NAPEPLD: variants seen among roughly 807,000 people sequenced by gnomAD.
NAPEPLD encodes the protein N-acyl-phosphatidylethanolamine-hydrolyzing phospholipase D.
A neutral mutation model predicts 38.1 loss-of-function variants in NAPEPLD; 23 were observed. The observed-to-expected ratio is 0.60, with a 90% CI of 0.43 to 0.86. The LOEUF is 0.86. Ranked by LOEUF, NAPEPLD falls within the 40% of genes least tolerant of loss-of-function variation. NAPEPLD has a pLI of 0.00. For synonymous variants in NAPEPLD, 147 were observed against 162.0 expected (o/e 0.91, Z 0.71); for missense variants, 411 against 476.8 (o/e 0.86, Z 1.28).
At chr7:103,107,597 T>C (rs1444066408) in intron 4 of NAPEPLD, among the ~76,000 whole-genome samples, 2 of 151,930 alleles carry the variant, frequency 1.3e-5, no homozygotes, top group Non-Finnish European at 2.9e-5. Context: ...GAGAACTTCA[T>C]TAAGCATACA....
chr7:103,110,534 AC>A (rs1804307605), intron 4 of NAPEPLD, among the ~76,000 whole-genome samples: 3 of 152,048 alleles, frequency 2.0e-5, no homozygotes, highest in South Asian at 2.1e-4. Flanking sequence ...AAATTCAACA[AC>A]CCTTCAAGTT....
intron 2 of NAPEPLD, chr7:103,127,228 A>T (rs1469873678): frequency 6.6e-6 from 1 of 152,154 alleles, no homozygotes; most frequent in African/African-American, 2.4e-5. Flanking sequence ...GAGAAAACAA[A>T]GGGCCTGTTC....
At chr7:103,142,978 C>T (rs1055905276) in intron 1 of NAPEPLD, among the ~76,000 whole-genome samples, 5 of 152,034 alleles carry the variant, frequency 3.3e-5, no homozygotes, top group East Asian at 3.9e-4. Flanking sequence ...AATCCCAACA[C>T]GTTGGGAGGC....
intron 1 of NAPEPLD, among the ~76,000 whole-genome samples, chr7:103,135,758 T>C (rs1809908729): frequency 6.6e-6 from 1 of 151,978 alleles, no homozygotes. Flanking sequence ...TATATATATA[T>C]ATCACCAAAC....
At position 103,149,058 on chromosome 7, in the gene NAPEPLD, A is replaced by G; in HGVS notation, c.-264T>C. On this transcript the variant is annotated 5_prime_UTR_variant, in exon 1 of 5. Coordinates refer to ENST00000465647, the MANE Select transcript of NAPEPLD (RefSeq NM_001122838.3). ...GGGAAACCCACTCTCAGCCCGCTCC[A>G]CTTCGCCGAAGAATTCCAAACCACC... 1 of 985,388 alleles carries G rather than the reference A, an allele frequency of 1.0e-6. No individual in the cohort carries two copies. The highest frequency in any genetic ancestry group is 1.2e-6 in the Non-Finnish European group (1 of 829,968). 61.0% of individuals were successfully genotyped at this position (985,388 alleles called of 1,614,324 possible).
chr7:103,102,798 T>C lies in NAPEPLD; in HGVS notation c.*631A>G, dbSNP rs945488084. ...TGGTAAATGTTTAAAATGGCAAATA[T>C]GTATTTATATATTTTACCACAATAG... is the stretch of plus-strand genomic sequence containing the variant. On this transcript the variant is annotated 3_prime_UTR_variant, in exon 5 of 5. Transcript: ENST00000465647. The C allele has an allele frequency of 2.6e-5, 4 of 152,630 alleles. No individual in the cohort carries two copies. Among genetic ancestry groups the C allele is most frequent in the Admixed American group, 1.3e-4 (2 of 15,282 alleles). The allele number at this position is 152,630 out of a possible 1,614,324, so 9.5% of individuals were successfully genotyped here.
intron 1 of NAPEPLD, among the ~76,000 whole-genome samples, chr7:103,146,400 T>C (rs1308672123): frequency 6.6e-6 from 1 of 151,770 alleles, no homozygotes; most frequent in Non-Finnish European, 1.5e-5. Context: ...ATGAGAAAGC[T>C]TGGTGTTTCT....
At chr7:103,135,490 A>G (rs980243422) in intron 1 of NAPEPLD, among the ~76,000 whole-genome samples, 1 of 152,188 alleles carries the variant, frequency 6.6e-6, no homozygotes, top group Non-Finnish European at 1.5e-5. Flanking sequence ...TAAGAGGGAG[A>G]ATGTTCTGTG....
chr7:103,105,784 T>C (rs1215653651), intron 4 of NAPEPLD, among the ~76,000 whole-genome samples: 2 of 151,982 alleles, frequency 1.3e-5, no homozygotes, highest in Non-Finnish European at 2.9e-5. Context: ...AATACAAAAA[T>C]TAGCCAGGCA....
intron 1 of NAPEPLD, among the ~76,000 whole-genome samples, chr7:103,130,432 C>T (rs1808697484): frequency 6.6e-6 from 1 of 152,184 alleles, no homozygotes; most frequent in African/African-American, 2.4e-5. Context: ...GGGCAAATAG[C>T]CTACCCTTTC....
In NAPEPLD at chr7:103,119,427, TTGAATC is replaced by T. The variant is rs1415089071; in HGVS notation, c.941+144_941+149del. 6.8e-6 allele frequency: 4 copies of T among 589,022 alleles called. No homozygotes were observed. The African/African-American group carries it at 7.7e-5, about 11-fold the overall frequency. 36.5% of individuals were successfully genotyped at this position (589,022 alleles called of 1,614,324 possible). A position where few individuals can be genotyped will look rare whatever the true frequency, so the allele number is the denominator to read the frequency against. On this transcript the variant is annotated intron_variant, in intron 3 of 4. Coordinates refer to ENST00000465647, the MANE Select transcript of NAPEPLD (RefSeq NM_001122838.3). Reference sequence around the variant, plus strand: ...TAAAATATTTAAAAATAAAATCTAATTGAATCTGACCTACCAACCCCCAATCATGTA... The same window carrying T: ...TAAAATATTTAAAAATAAAATCTAATTGACCTACCAACCCCCAATCATGTA...
chr7:103,136,180 T>A (rs1810014888), intron 1 of NAPEPLD, among the ~76,000 whole-genome samples: 1 of 151,072 alleles, frequency 6.6e-6, no homozygotes, highest in African/African-American at 2.4e-5. Context: ...GGCAGGAGAA[T>A]CACTTAAACC....
At position 103,101,554 on chromosome 7, in the gene NAPEPLD, A is replaced by G. The variant is rs529957505; in HGVS notation, c.*1875T>C. ...ATTTAGCTTTCAAATATACCTGTCT[A>G]TATTAGGCAGTGATATCTTAAGAAA... On this transcript the variant is annotated 3_prime_UTR_variant, in exon 5 of 5. Coordinates refer to ENST00000465647, the MANE Select transcript of NAPEPLD (RefSeq NM_001122838.3). The G allele has an allele frequency of 5.2e-5, 8 of 152,770 alleles. No homozygotes were observed. The highest frequency in any genetic ancestry group is 1.9e-4 in the African/African-American group (8 of 41,576). 9.5% of individuals were successfully genotyped at this position (152,770 alleles called of 1,614,324 possible).
intron 4 of NAPEPLD, among the ~76,000 whole-genome samples, chr7:103,110,290 A>G (rs1321598202): frequency 6.6e-6 from 1 of 152,194 alleles, no homozygotes; most frequent in Non-Finnish European, 1.5e-5. Flanking sequence ...AACAAAAAAG[A>G]GAAAATTTCA....
intron 1 of NAPEPLD, among the ~76,000 whole-genome samples, chr7:103,131,138 TATGAG>T (rs1461498177): frequency 1.3e-5 from 2 of 152,170 alleles, no homozygotes; most frequent in South Asian, 2.1e-4. Context: ...TAAAACAGCT[TATGAG>T]ATATCTGTAT....
At chr7:103,106,854 A>G (rs1803474471) in intron 4 of NAPEPLD, among the ~76,000 whole-genome samples, 1 of 152,198 alleles carries the variant, frequency 6.6e-6, no homozygotes, top group East Asian at 1.9e-4. Flanking sequence ...CCTGCCTGAC[A>G]GCTCTGAAAA....
intron 1 of NAPEPLD, among the ~76,000 whole-genome samples, chr7:103,147,155 A>G (rs1812734620): frequency 6.6e-6 from 1 of 152,248 alleles, no homozygotes; most frequent in Non-Finnish European, 1.5e-5. Flanking sequence ...GCAAAGCACT[A>G]TAAATTGTAG....
intron 1 of NAPEPLD, among the ~76,000 whole-genome samples, chr7:103,144,202 A>C (rs1012990255): frequency 3.9e-5 from 6 of 152,210 alleles, no homozygotes; most frequent in Admixed American, 3.9e-4. Context: ...AAATTCAATA[A>C]ATTTATCTTG....
At chr7:103,126,939 T>G (rs893203167) in intron 2 of NAPEPLD, 1 of 152,000 alleles carries the variant, frequency 6.6e-6, no homozygotes, top group Non-Finnish European at 1.5e-5. Flanking sequence ...TGTAATATTT[T>G]TAAAAAGATA....
Sources: gnomAD v4.1 joint callset for allele counts (sites outside exome capture counted in the v4.1 genomes callset) on GRCh38, gnomAD v4.1.1 for gene constraint, MANE v1.5 for transcripts, NCBI Gene and HGNC (gene_info 2026-07-23, HGNC 2026-07-21) for gene names.